The following CRYBG1 variants were observed in gnomAD, a reference collection of about 807,000 sequenced individuals.
CRYBG1 encodes beta/gamma crystallin domain-containing protein 1.
In CRYBG1, 139 loss-of-function variants were observed where a neutral mutation model predicts 189.2. The observed-to-expected ratio is 0.73, with a 90% confidence interval of 0.64 to 0.85. The LOEUF is 0.85. Among genes scored for constraint, CRYBG1 ranks in the 40% least tolerant of loss-of-function variants. The pLI, the probability that CRYBG1 is intolerant of heterozygous loss-of-function variation, is 0.00. For synonymous variants in CRYBG1, 1,023 were observed against 1,017.1 expected (o/e 1.01, Z -0.11); for missense variants, 2,611 against 2,675.8 (o/e 0.98, Z 0.53).
Position 106,539,463 on chromosome 6 carries a change from A to G in CRYBG1, c.4779A>G (p.Glu1593=). The change falls in exon 9 of 22, where the codon GAA becomes GAG. Residue 1593 remains glutamate (E), a synonymous_variant. Coordinates refer to ENST00000633556, the MANE Select transcript of CRYBG1 (RefSeq NM_001371242.2). ...QGVPFILEPG[E]YPDLSFWDTE... ...TTCCTTTCATCCTGGAACCTGGTGA[A>G]TACCCTGACTTGTCCTTCTGGGATA... 1.2e-6 allele frequency: 2 copies of G among 1,613,984 alleles called. No homozygotes were observed. Among genetic ancestry groups the G allele is most frequent in the Non-Finnish European group, 1.7e-6 (2 of 1,179,894 alleles).
At position 106,520,611 on chromosome 6, in the gene CRYBG1, G is replaced by C. The variant is rs199579020; in HGVS notation, c.3403G>C (p.Ala1135Pro). The C allele has an allele frequency of 5.6e-6, 9 of 1,614,170 alleles. No individual in the cohort carries two copies. The East Asian group carries it at 2.0e-4, about 36-fold the overall frequency. The change falls in exon 4 of 22, where the codon GCT becomes CCT. Residue 1135 changes from alanine (A) to proline (P), a missense_variant. By Grantham distance (27) the Ala-to-Pro change is conservative. Transcript: ENST00000633556. ...GAAGGCCAGGATGCCAAACTCTCCT[G>C]CTCCTCACTTTGCCATGCCTCCTAT... ...RKKARMPNSP[A>P]PHFAMPPIHE...
intron 1 of CRYBG1, among the ~76,000 whole-genome samples, chr6:106,418,466 C>A (rs931781967): frequency 6.6e-6 from 1 of 152,200 alleles, no homozygotes; most frequent in Non-Finnish European, 1.5e-5. Context: ...ATTTGGCTGA[C>A]TCTTGTTGCT....
At chr6:106,536,937 G>C (rs138372268) in intron 8 of CRYBG1, among the ~76,000 whole-genome samples, 1 of 152,236 alleles carries the variant, frequency 6.6e-6, no homozygotes, top group East Asian at 1.9e-4. Flanking sequence ...ATCATACTCT[G>C]CATATGAGTT....
chr6:106,489,804 A>AG (rs1022030541), intron 2 of CRYBG1, among the ~76,000 whole-genome samples: 28 of 148,470 alleles, frequency 1.9e-4, no homozygotes, highest in East Asian at 5.9e-4. Flanking sequence ...AAAAAAAAAA[A>AG]AAAGAAAGAA....
At position 106,520,397 on chromosome 6, in the gene CRYBG1, C is replaced by T. The variant is rs767465093; in HGVS notation, c.3189C>T (p.Ser1063=). ...AESSPTNSPS[S]GNHLATPQRP... is the part of the protein sequence containing the mutation. The stretch of plus-strand genomic sequence containing the variant: ...CCAGTCCCACCAACTCTCCCAGCAG[C>T]GGAAATCACTTAGCCACTCCTCAAA... Residue 1063 remains serine (S), a synonymous_variant, in exon 4 of 22, where the codon AGC becomes AGT. Transcript: ENST00000633556. 83 of 1,614,032 alleles carry T rather than the reference C, an allele frequency of 5.1e-5. 1 individual carries two copies. The Admixed American group carries it at 9.2e-4, about 18-fold the overall frequency.
At chr6:106,433,361 T>C (rs1224052782) in intron 1 of CRYBG1, among the ~76,000 whole-genome samples, 1 of 152,124 alleles carries the variant, frequency 6.6e-6, no homozygotes, top group East Asian at 1.9e-4. Context: ...TAGAAGCTGT[T>C]TGGAAGTCTG....
intron 2 of CRYBG1, among the ~76,000 whole-genome samples, chr6:106,471,819 A>G (rs35992020): frequency 0.058 from 8,774 of 151,290 alleles, 452 homozygotes; most frequent in East Asian, 0.21. Flanking sequence ...AAAAAAAAGA[A>G]GAAGAAAATT....
At chr6:106,368,241 G>T (rs1769935153) in intron 1 of CRYBG1, among the ~76,000 whole-genome samples, 2 of 151,958 alleles carry the variant, frequency 1.3e-5, no homozygotes, top group Non-Finnish European at 2.9e-5. Flanking sequence ...AACATAGCGA[G>T]ATCCCATCTC....
At chr6:106,386,768 G>A (rs571472112) in intron 1 of CRYBG1, among the ~76,000 whole-genome samples, 1 of 152,248 alleles carries the variant, frequency 6.6e-6, no homozygotes, top group South Asian at 2.1e-4. Flanking sequence ...GATGGAGATC[G>A]GCTGTAAATA....
At chr6:106,416,094 G>T (rs1002918964) in intron 1 of CRYBG1, among the ~76,000 whole-genome samples, 1 of 152,082 alleles carries the variant, frequency 6.6e-6, no homozygotes, top group Non-Finnish European at 1.5e-5. Context: ...TCCCTCTGCT[G>T]CCCCCTTTCT....
intron 1 of CRYBG1, among the ~76,000 whole-genome samples, chr6:106,386,564 T>C (rs543377769): frequency 6.6e-6 from 1 of 152,264 alleles, no homozygotes; most frequent in South Asian, 2.1e-4. Flanking sequence ...TTAATCTGTA[T>C]TTGCACCTGC....
At chr6:106,371,864 C>T (rs1309481548) in intron 1 of CRYBG1, among the ~76,000 whole-genome samples, 1 of 152,206 alleles carries the variant, frequency 6.6e-6, no homozygotes. Flanking sequence ...GTCTTAGTAG[C>T]TAGGTGCATT....
intron 4 of CRYBG1, among the ~76,000 whole-genome samples, chr6:106,521,907 C>G (rs1773620904): frequency 1.3e-5 from 2 of 151,844 alleles, no homozygotes; most frequent in South Asian, 4.2e-4. Context: ...TTAGTAAAGA[C>G]TGAAAATACA....
Position 106,462,213 on chromosome 6 carries a change from C to G in CRYBG1, c.312+10381C>G, listed in dbSNP as rs60744246. Among the ~76,000 whole-genome samples, 273 of 152,216 alleles carry G rather than the reference C, an allele frequency of 1.8e-3. 6 individuals carry two copies. The East Asian group carries it at 0.034, about 19-fold the overall frequency. ...TGAGACGGAGTCTCGCTCTGTCGCC[C>G]AGGCTGGAGTGCAGTGGCGCTATCT... On this transcript the variant is annotated intron_variant, in intron 2 of 21. Coordinates refer to ENST00000633556, the MANE Select transcript of CRYBG1 (RefSeq NM_001371242.2).
Position 106,570,014 on chromosome 6 carries a change from A to G in CRYBG1, c.*1448A>G, listed in dbSNP as rs1372544518. On this transcript the variant is annotated 3_prime_UTR_variant, in exon 22 of 22. Coordinates refer to ENST00000633556, the MANE Select transcript of CRYBG1 (RefSeq NM_001371242.2). The stretch of plus-strand genomic sequence containing the variant: ...CTGCAGTAAGCATTTCAAAATGCAA[A>G]CAAACTGCTTAACAACTGACAAGAC... 6.6e-5 allele frequency: 10 copies of G among 152,246 alleles called. No homozygotes were observed. The highest frequency in any genetic ancestry group is 6.5e-4 in the Admixed American group (10 of 15,290). 9.4% of individuals were successfully genotyped at this position (152,246 alleles called of 1,614,324 possible).
At chr6:106,407,043 T>C (rs11756768) in intron 1 of CRYBG1, among the ~76,000 whole-genome samples, 16,017 of 152,198 alleles carry the variant, frequency 0.11, 906 homozygotes, top group South Asian at 0.14. Flanking sequence ...ATATTAACCT[T>C]AAATGTAAAT....
At chr6:106,562,302 G>A (rs1398746974) in intron 20 of CRYBG1, among the ~76,000 whole-genome samples, 1 of 152,160 alleles carries the variant, frequency 6.6e-6, no homozygotes. Flanking sequence ...AACAGAAGTA[G>A]TTGTAATATG....
chr6:106,532,574 A>T (rs1009431584), intron 8 of CRYBG1, among the ~76,000 whole-genome samples: 4 of 152,118 alleles, frequency 2.6e-5, no homozygotes, highest in African/African-American at 4.8e-5. Context: ...TACTTGTTAT[A>T]TTGTGTCTTT....
chr6:106,417,553 A>G (rs1343063831), intron 1 of CRYBG1, among the ~76,000 whole-genome samples: 1 of 152,238 alleles, frequency 6.6e-6, no homozygotes, highest in Non-Finnish European at 1.5e-5. Context: ...AAGATAACCA[A>G]GGCACTTACC....
Sources: allele counts gnomAD v4.1 joint callset (sites outside exome capture counted in the v4.1 genomes callset), GRCh38; gene constraint gnomAD v4.1.1; transcripts MANE v1.5; gene names NCBI Gene and HGNC (gene_info 2026-07-23, HGNC 2026-07-21).